Variants in SEMA3A observed in about 807,000 individuals in gnomAD.
SEMA3A encodes the protein semaphorin 3A, also known as semaphorin-3A.
SEMA3A carries 29 observed loss-of-function variants against 97.9 expected under a neutral mutation model. That is an observed-to-expected ratio of 0.30 (90% CI 0.22 to 0.40). SEMA3A has a LOEUF of 0.40. Among genes scored for constraint, SEMA3A ranks in the 10% least tolerant of loss-of-function variants. SEMA3A has a pLI of 1.00. For missense variants in SEMA3A, 763 were observed against 951.3 expected (o/e 0.80, Z 2.60); for synonymous variants, 321 against 323.7 (o/e 0.99, Z 0.09).
At chr7:84,363,979 C>G (rs1192143044) in intron 2 of SEMA3A, among the ~76,000 whole-genome samples, 1 of 151,746 alleles carries the variant, frequency 6.6e-6, no homozygotes, top group Admixed American at 6.6e-5. Context: ...GGTATGAGAA[C>G]CCATCTATTT....
At chr7:84,356,004 G>T (rs1333237125) in intron 2 of SEMA3A, among the ~76,000 whole-genome samples, 1 of 151,818 alleles carries the variant, frequency 6.6e-6, no homozygotes, top group Non-Finnish European at 1.5e-5. Flanking sequence ...TCCAGAAACT[G>T]CTTTAACAAG....
At chr7:84,326,699 C>T (rs1801783107) in intron 2 of SEMA3A, among the ~76,000 whole-genome samples, 2 of 151,944 alleles carry the variant, frequency 1.3e-5, no homozygotes, top group African/African-American at 2.4e-5. Context: ...GATAGCTTGT[C>T]TGACAAAAAC....
At chr7:84,075,742 C>T (rs1175853494) in intron 4 of SEMA3A, among the ~76,000 whole-genome samples, 1 of 152,136 alleles carries the variant, frequency 6.6e-6, no homozygotes, top group Non-Finnish European at 1.5e-5. Flanking sequence ...CAGAAAGGAG[C>T]CACTGTGCCT....
chr7:84,306,605 G>A (rs575309157), intron 3 of SEMA3A: 2 of 152,242 alleles, frequency 1.3e-5, no homozygotes, highest in Admixed American at 1.3e-4. Context: ...AATGAATCCT[G>A]AGAAACCTTT....
chr7:84,069,008 G>A (rs959316073), intron 4 of SEMA3A, among the ~76,000 whole-genome samples: 2 of 151,940 alleles, frequency 1.3e-5, no homozygotes, highest in Non-Finnish European at 2.9e-5. Flanking sequence ...AAATTTCTGG[G>A]AATCTACCAT....
At chr7:84,270,500 T>C (rs1416977100) in intron 3 of SEMA3A, among the ~76,000 whole-genome samples, 2 of 148,004 alleles carry the variant, frequency 1.4e-5, no homozygotes, top group Non-Finnish European at 3.0e-5. Context: ...TTTTCTTTCT[T>C]TCTCTCTCTC....
intron 1 of SEMA3A, among the ~76,000 whole-genome samples, chr7:84,432,636 G>A (rs1417240210): frequency 6.6e-6 from 1 of 152,044 alleles, no homozygotes; most frequent in Non-Finnish European, 1.5e-5. Flanking sequence ...AGAACATACG[G>A]TATTTTGTTT....
At chr7:84,417,095 A>G (rs1233798269) in intron 1 of SEMA3A, among the ~76,000 whole-genome samples, 2 of 152,084 alleles carry the variant, frequency 1.3e-5, no homozygotes, top group Admixed American at 1.3e-4. Flanking sequence ...ATTTGGCTGC[A>G]TTTACAATAA....
rs960233926 is a variant in SEMA3A at position 84,086,692 on chromosome 7, A to G, written c.453+23778T>C. On this transcript the variant is annotated intron_variant, in intron 4 of 16. Transcript: ENST00000265362. ...ATATGTATATATATGGAATATATGTATATATATGGAACATCATATATATGT... is the reference window on the plus strand; with the variant it reads ...ATATGTATATATATGGAATATATGTGTATATATGGAACATCATATATATGT... Among the ~76,000 whole-genome samples, 19 of 148,188 alleles carry G rather than the reference A, an allele frequency of 1.3e-4. No homozygotes were observed. The East Asian group carries it at 3.7e-3, about 29-fold the overall frequency.
chr7:84,280,721 T>C lies in SEMA3A; in HGVS notation c.-83+26486A>G, dbSNP rs549600778. ...CCTTGAACCCGGGAGGCGGAGGTTGTAGTGACTTGAGATCGCCACTGCACT... is the reference window on the plus strand; with the variant it reads ...CCTTGAACCCGGGAGGCGGAGGTTGCAGTGACTTGAGATCGCCACTGCACT... On this transcript the variant is annotated intron_variant, in intron 3 of 3. Transcript: ENST00000424555. 5.9e-5 allele frequency among the ~76,000 whole-genome samples: 9 copies of C among 152,086 alleles called. No homozygotes were observed. The South Asian group carries it at 1.9e-3, about 32-fold the overall frequency.
chr7:84,077,609 C>A (rs141348361), intron 4 of SEMA3A, among the ~76,000 whole-genome samples: 1 of 151,884 alleles, frequency 6.6e-6, no homozygotes, highest in Non-Finnish European at 1.5e-5. Flanking sequence ...GTCATTCAAG[C>A]GCTGTCATAA....
At chr7:84,445,263 G>A (rs900278498) in intron 1 of SEMA3A, among the ~76,000 whole-genome samples, 10 of 151,470 alleles carry the variant, frequency 6.6e-5, no homozygotes, top group African/African-American at 2.2e-4. Flanking sequence ...AGGCTGAGGC[G>A]GGCGGATCAC....
At position 84,228,962 on chromosome 7, in the gene SEMA3A, T is replaced by C. The variant is rs540122797; in HGVS notation, c.-82-34294A>G. Among the ~76,000 whole-genome samples, 4 of 152,172 alleles carry C rather than the reference T, an allele frequency of 2.6e-5. 1 individual carries two copies. The South Asian group carries it at 8.3e-4, about 32-fold the overall frequency. On this transcript the variant is annotated intron_variant, in intron 3 of 3. Coordinates refer to the SEMA3A transcript ENST00000424555. ...TATTAAACTTGCCTCAAATTAACCA[T>C]TTTTAGTGTGCCAGCTGTTTTCTTC...
intron 6 of SEMA3A, among the ~76,000 whole-genome samples, chr7:84,042,019 G>A (rs190473316): frequency 6.6e-6 from 1 of 152,146 alleles, no homozygotes; most frequent in African/African-American, 2.4e-5. Flanking sequence ...CAAGTGATTT[G>A]AGATTGGGTA....
chr7:84,326,944 T>C (rs1801789543), intron 2 of SEMA3A, among the ~76,000 whole-genome samples: 1 of 151,768 alleles, frequency 6.6e-6, no homozygotes, highest in African/African-American at 2.4e-5. Flanking sequence ...CCAAAAGCAA[T>C]CACAACAAAA....
chr7:84,201,023 C>T (rs940059688), intron 3 of SEMA3A, among the ~76,000 whole-genome samples: 9 of 151,958 alleles, frequency 5.9e-5, no homozygotes, highest in African/African-American at 2.2e-4. Flanking sequence ...GCATATCACA[C>T]ACATTTTCAC....
chr7:84,212,127 A>G (rs724050), intron 3 of SEMA3A, among the ~76,000 whole-genome samples: 17,151 of 152,218 alleles, frequency 0.11, 1,147 homozygotes, highest in African/African-American at 0.17. Flanking sequence ...AGGTGGTAGC[A>G]GAAAAAGAAA....
In SEMA3A at chr7:84,071,730, C is replaced by T. The variant is rs141124183; in HGVS notation, c.454-11172G>A. ...TTCTTTAAACTTCAAACTTGATATT[C>T]GGTGATGCATGTATTCCTTTTTTTA... On this transcript the variant is annotated intron_variant, in intron 4 of 16. Coordinates refer to ENST00000265362, the MANE Select transcript of SEMA3A (RefSeq NM_006080.3). 3.9e-3 allele frequency among the ~76,000 whole-genome samples: 588 copies of T among 152,086 alleles called. 2 individuals carry two copies. The highest frequency in any genetic ancestry group is 0.013 in the African/African-American group (559 of 41,510).
chr7:84,268,249 A>ATGTGCGTG (rs1554354590), intron 3 of SEMA3A, among the ~76,000 whole-genome samples: 1 of 130,950 alleles, frequency 7.6e-6, no homozygotes, highest in Non-Finnish European at 1.7e-5. Flanking sequence ...AGACATAAGC[A>ATGTGCGTG]TGTGTGTGTG....
Sources: gnomAD v4.1 joint callset for allele counts (sites outside exome capture counted in the v4.1 genomes callset) on GRCh38, gnomAD v4.1.1 for gene constraint, MANE v1.5 for transcripts, NCBI Gene and HGNC (gene_info 2026-07-23, HGNC 2026-07-21) for gene names.